EBF1: variants seen among roughly 807,000 people sequenced by gnomAD.
EBF1 encodes the protein transcription factor COE1.
EBF1 carries 10 observed loss-of-function variants against 68.4 expected under a neutral mutation model. The observed-to-expected ratio is 0.15, with a 90% CI of 0.09 to 0.25. The LOEUF (loss-of-function observed/expected upper bound fraction) is 0.25. Among genes scored for constraint, EBF1 ranks in the 10% least tolerant of loss-of-function variants. The pLI is 1.00. For missense variants in EBF1, 509 were observed against 794.4 expected, an observed-to-expected ratio of 0.64 and a Z score of 4.32; for synonymous variants, 298 against 299.8, an observed-to-expected ratio of 0.99 and a Z score of 0.06.
intron 10 of EBF1, among the ~76,000 whole-genome samples, chr5:158,755,219 A>C (rs1769804195): frequency 1.3e-5 from 2 of 152,102 alleles, no homozygotes; most frequent in South Asian, 4.1e-4. Context: ...AATTTTAAGA[A>C]GATGGAGCTC....
At chr5:158,778,625 C>A (rs1303209355) in intron 9 of EBF1, among the ~76,000 whole-genome samples, 1 of 152,166 alleles carries the variant, frequency 6.6e-6, no homozygotes, top group Non-Finnish European at 1.5e-5. Context: ...CAGATAACAC[C>A]ATGAGAGGCT....
At chr5:158,747,313 A>T (rs17056160) in intron 10 of EBF1, among the ~76,000 whole-genome samples, 4,970 of 152,206 alleles carry the variant, frequency 0.033, 373 homozygotes, top group East Asian at 0.28. Context: ...TTGCAAACTT[A>T]ATTTTTTCCT....
At chr5:159,065,119 C>A (rs767578965) in intron 6 of EBF1, among the ~76,000 whole-genome samples, 11 of 151,878 alleles carry the variant, frequency 7.2e-5, no homozygotes, top group Admixed American at 2.0e-4. Flanking sequence ...GAACGAGAAG[C>A]ACATTAAAAA....
At chr5:158,892,529 C>A (rs1801385656) in intron 6 of EBF1, among the ~76,000 whole-genome samples, 1 of 152,120 alleles carries the variant, frequency 6.6e-6, no homozygotes. Flanking sequence ...AGCTTAAGTG[C>A]CAACATGACA....
chr5:158,908,427 C>T (rs1322563672), intron 6 of EBF1, among the ~76,000 whole-genome samples: 1 of 152,174 alleles, frequency 6.6e-6, no homozygotes, highest in Non-Finnish European at 1.5e-5. Flanking sequence ...TTTGTGCTAA[C>T]AAATCCCTAG....
chr5:159,037,713 G>A (rs1158982079), intron 6 of EBF1, among the ~76,000 whole-genome samples: 6 of 147,032 alleles, frequency 4.1e-5, no homozygotes, highest in African/African-American at 1.3e-4. Flanking sequence ...GCTAGATGAC[G>A]AGTTAGTGGG....
At chr5:159,056,463 T>C (rs963234086) in intron 6 of EBF1, among the ~76,000 whole-genome samples, 2 of 152,176 alleles carry the variant, frequency 1.3e-5, no homozygotes, top group Admixed American at 1.3e-4. Context: ...CTTTGCCTTC[T>C]GGAATCATTC....
At chr5:158,973,395 T>G (rs996643924) in intron 6 of EBF1, among the ~76,000 whole-genome samples, 3 of 151,666 alleles carry the variant, frequency 2.0e-5, no homozygotes, top group African/African-American at 4.8e-5. Flanking sequence ...CCCCTTCACC[T>G]ACATGACTTC....
At chr5:158,798,833 T>G (rs964438783) in intron 8 of EBF1, among the ~76,000 whole-genome samples, 1 of 152,150 alleles carries the variant, frequency 6.6e-6, no homozygotes, top group East Asian at 1.9e-4. Flanking sequence ...AATAAAGCCT[T>G]AAAGGAAGTA....
At chr5:159,018,393 A>G (rs533482321) in intron 6 of EBF1, among the ~76,000 whole-genome samples, 1 of 152,370 alleles carries the variant, frequency 6.6e-6, no homozygotes, top group South Asian at 2.1e-4. Flanking sequence ...AGAGTGCAGT[A>G]TGCATGCGTT....
In EBF1 at chr5:159,092,313, C is replaced by A. The variant is rs1364418025; in HGVS notation, c.411+3307G>T. On this transcript the variant is annotated intron_variant, in intron 4 of 15. Transcript: ENST00000313708. ...CTAAACTTGGTTTTGAACAACCCTT[C>A]CCAAAAGCAAGCCTCTTATTTTCTA... Among the ~76,000 whole-genome samples the A allele has an allele frequency of 2.0e-5, 3 of 152,312 alleles. No individual in the cohort carries two copies. The East Asian group carries it at 5.8e-4, about 29-fold the overall frequency.
intron 6 of EBF1, among the ~76,000 whole-genome samples, chr5:158,988,331 A>T (rs1238848704): frequency 6.6e-6 from 1 of 151,704 alleles, no homozygotes; most frequent in Non-Finnish European, 1.5e-5. Context: ...GGCCATTCTC[A>T]CTCTTTCCCT....
At chr5:159,001,000 C>T (rs1322228016) in intron 6 of EBF1, among the ~76,000 whole-genome samples, 2 of 152,060 alleles carry the variant, frequency 1.3e-5, no homozygotes, top group Non-Finnish European at 2.9e-5. Flanking sequence ...TAAAATACTC[C>T]TCTTTTTTTC....
intron 6 of EBF1, among the ~76,000 whole-genome samples, chr5:158,961,305 A>C (rs1818142230): frequency 7.4e-6 from 1 of 135,698 alleles, no homozygotes; most frequent in Non-Finnish European, 1.6e-5. Flanking sequence ...CAAAGATTAC[A>C]CTTTGAGGAA....
chr5:158,763,632 C>T (rs1772000024), intron 10 of EBF1, among the ~76,000 whole-genome samples: 1 of 152,172 alleles, frequency 6.6e-6, no homozygotes, highest in African/African-American at 2.4e-5. Flanking sequence ...TATACCACCT[C>T]ACCCTTTCCT....
At chr5:158,900,362 T>C (rs1803037642) in intron 6 of EBF1, among the ~76,000 whole-genome samples, 1 of 152,194 alleles carries the variant, frequency 6.6e-6, no homozygotes, top group East Asian at 1.9e-4. Context: ...TACTACTTTT[T>C]CCTTCCTAAT....
At chr5:158,820,264 C>T (rs1432140208) in intron 8 of EBF1, among the ~76,000 whole-genome samples, 4 of 129,172 alleles carry the variant, frequency 3.1e-5, no homozygotes, top group Non-Finnish European at 4.8e-5. Context: ...TGTTTGAAGG[C>T]GGTGGGGGGT....
At chr5:158,922,984 G>A (rs1486018497) in intron 6 of EBF1, among the ~76,000 whole-genome samples, 8 of 152,212 alleles carry the variant, frequency 5.3e-5, no homozygotes, top group Admixed American at 1.3e-4. Flanking sequence ...AATTGCAGCC[G>A]AAATGAATGG....
chr5:159,090,014 A>G (rs1406399940), intron 4 of EBF1, among the ~76,000 whole-genome samples: 1 of 152,006 alleles, frequency 6.6e-6, no homozygotes, highest in African/African-American at 2.4e-5. Context: ...TCCCCTTACA[A>G]AATAAAAAGC....
Sources: gnomAD v4.1 joint callset for allele counts (sites outside exome capture counted in the v4.1 genomes callset) on GRCh38, gnomAD v4.1.1 for gene constraint, MANE v1.5 for transcripts, NCBI Gene and HGNC (gene_info 2026-07-23, HGNC 2026-07-21) for gene names.